PRELID2: variants seen among roughly 807,000 people sequenced by gnomAD.
PRELID2 encodes PRELI domain-containing protein 2.
A neutral mutation model predicts 28.4 loss-of-function variants in PRELID2; 25 were observed. The ratio of observed to expected loss-of-function variants is 0.88; its 90% confidence interval spans 0.64 to 1.23. The LOEUF is 1.23. Ranked by LOEUF, PRELID2 falls within the 50% of genes most tolerant of loss-of-function variation. The pLI, the probability that PRELID2 is intolerant of heterozygous loss-of-function variation, is 0.00. For missense variants in PRELID2, 201 were observed against 214.4 expected, an observed-to-expected ratio of 0.94 and a Z score of 0.39; for synonymous variants, 76 against 71.6, an observed-to-expected ratio of 1.06 and a Z score of -0.31.
chr5:145,798,181 A>G (rs1752890285), intron 4 of PRELID2, among the ~76,000 whole-genome samples: 2 of 151,998 alleles, frequency 1.3e-5, no homozygotes, highest in South Asian at 2.1e-4. Context: ...GTCAGGAACC[A>G]AAAAACAAAT....
chr5:145,299,402 T>G, the PRELID2 span, among the ~76,000 whole-genome samples: 1 of 152,200 alleles, frequency 6.6e-6, no homozygotes, highest in Non-Finnish European at 1.5e-5. Context: ...TGATGTTTAA[T>G]CTATAGGCTT....
At chr5:145,696,066 T>C (rs1755254287) in intron 1 of PRELID2, among the ~76,000 whole-genome samples, 1 of 151,452 alleles carries the variant, frequency 6.6e-6, no homozygotes, top group Non-Finnish European at 1.5e-5. Context: ...TATGCATATA[T>C]AAATATAACT....
chr5:145,455,500 T>C, the PRELID2 span, among the ~76,000 whole-genome samples: 1 of 152,212 alleles, frequency 6.6e-6, no homozygotes, highest in Non-Finnish European at 1.5e-5. Flanking sequence ...GGTAGCTTGG[T>C]GGGGATAGCA....
Position 145,835,267 on chromosome 5 carries a change from G to GCCCCGCGCA in PRELID2, c.-25_-17dup. The GCCCCGCGCA allele has an allele frequency of 6.5e-7, 1 of 1,539,596 alleles. No individual in the cohort carries two copies. The highest frequency in any genetic ancestry group is 8.8e-7 in the Non-Finnish European group (1 of 1,138,998). On this transcript the variant is annotated 5_prime_UTR_variant, in exon 1 of 7. Transcript: ENST00000683046. ...AGACCCCCATCCCCGCGCGCCGCGG[G>GCCCCGCGCA]CCCCGCGCACCGGCCACGCCTCCGC...
At chr5:145,646,070 T>C (rs1442765954) in intron 1 of PRELID2, among the ~76,000 whole-genome samples, 1 of 152,226 alleles carries the variant, frequency 6.6e-6, no homozygotes, top group Non-Finnish European at 1.5e-5. Context: ...TGAATTTGAA[T>C]GTTGGCCTGT....
intron 1 of PRELID2, among the ~76,000 whole-genome samples, chr5:145,627,402 T>C (rs1753864851): frequency 6.6e-6 from 1 of 152,096 alleles, no homozygotes; most frequent in Admixed American, 6.6e-5. Flanking sequence ...TGTACCCTAT[T>C]CAGATGATGG....
At chr5:145,709,140 T>C (rs1755623022) in intron 1 of PRELID2, among the ~76,000 whole-genome samples, 1 of 152,152 alleles carries the variant, frequency 6.6e-6, no homozygotes, top group Admixed American at 6.5e-5. Context: ...CTTGCGTCTT[T>C]TCCTGGACCG....
intron 1 of PRELID2, among the ~76,000 whole-genome samples, chr5:145,481,104 T>A (rs1456032961): frequency 1.3e-5 from 2 of 152,142 alleles, no homozygotes; most frequent in Admixed American, 6.6e-5. Context: ...AGGTTTCATA[T>A]AATTATCGTA....
intron 1 of PRELID2, among the ~76,000 whole-genome samples, chr5:145,612,435 AAGAC>A (rs777974732): frequency 4.6e-5 from 7 of 152,154 alleles, no homozygotes; most frequent in African/African-American, 1.2e-4. Context: ...AAATAAGTAA[AAGAC>A]AGACAATTCA....
intron 1 of PRELID2, among the ~76,000 whole-genome samples, chr5:145,520,824 C>T (rs963698104): frequency 2.0e-5 from 3 of 152,028 alleles, no homozygotes; most frequent in Non-Finnish European, 2.9e-5. Context: ...AGCACAATGC[C>T]GAGAACATAG....
chr5:145,418,646 T>C, the PRELID2 span, among the ~76,000 whole-genome samples: 2 of 152,208 alleles, frequency 1.3e-5, no homozygotes, highest in African/African-American at 4.8e-5. Flanking sequence ...GGGGAAAGAA[T>C]TCCCTATGCA....
intron 4 of PRELID2, among the ~76,000 whole-genome samples, chr5:145,799,025 AAT>A (rs532556100): frequency 7.8e-4 from 116 of 147,988 alleles, no homozygotes; most frequent in African/African-American, 2.2e-3. Context: ...AGTATAATAA[AAT>A]ATATATATAT....
In PRELID2 at chr5:145,583,217, A is replaced by G. The variant is rs1391942768; in HGVS notation, n.71-109902T>C. The stretch of plus-strand genomic sequence containing the variant: ...ACATGATTATCTCAATAGATGTAGA[A>G]AAGTCCTTTGATAAAATTTAACATC... On this transcript the variant is annotated intron_variant and non_coding_transcript_variant, in intron 1 of 2. Transcript: ENST00000510259. 2.0e-5 allele frequency among the ~76,000 whole-genome samples: 3 copies of G among 152,190 alleles called. No individual in the cohort carries two copies. The East Asian group carries it at 5.8e-4, about 29-fold the overall frequency.
At position 145,768,426 on chromosome 5, in the gene PRELID2, GA is replaced by G. The variant is rs551144829; in HGVS notation, c.475-3427del. Among the ~76,000 whole-genome samples, 39 of 152,252 alleles carry G rather than the reference GA, an allele frequency of 2.6e-4. No homozygotes were observed. The East Asian group carries it at 7.0e-3, about 27-fold the overall frequency. On this transcript the variant is annotated intron_variant, in intron 5 of 6. Transcript: ENST00000683046. Reference sequence around the variant, plus strand: ...GTGCACTGGGGATTAAATGGTGAATGAACAAGATAGTTCCTGCCCCCATGGA... The same window carrying G: ...GTGCACTGGGGATTAAATGGTGAATGACAAGATAGTTCCTGCCCCCATGGA...
intron 1 of PRELID2, among the ~76,000 whole-genome samples, chr5:145,696,775 A>T (rs1755277528): frequency 6.6e-6 from 1 of 151,970 alleles, no homozygotes. Context: ...TCTCTAAAAT[A>T]TTTGAAAAAA....
At chr5:145,674,934 CAA>C (rs968545930) in intron 1 of PRELID2, among the ~76,000 whole-genome samples, 2 of 135,280 alleles carry the variant, frequency 1.5e-5, no homozygotes. Flanking sequence ...GATTCAGTAT[CAA>C]AAAAAAAAAA....
At chr5:145,744,650 GCAACAACAACAGTAT>G (rs1327599093) in intron 1 of PRELID2, among the ~76,000 whole-genome samples, 2 of 152,000 alleles carry the variant, frequency 1.3e-5, no homozygotes, top group African/African-American at 4.8e-5. Context: ...CAAACAGAAA[GCAACAACAACAGTAT>G]CAACAACAAC....
the PRELID2 span, among the ~76,000 whole-genome samples, chr5:145,360,954 T>G: frequency 6.6e-6 from 1 of 152,174 alleles, no homozygotes; most frequent in Non-Finnish European, 1.5e-5. Context: ...CTATGTGCTG[T>G]AGAGGGAATC....
At chr5:145,291,068 G>A in the PRELID2 span, among the ~76,000 whole-genome samples, 4 of 151,564 alleles carry the variant, frequency 2.6e-5, no homozygotes, top group Admixed American at 6.6e-5. Flanking sequence ...GGTCGGACGC[G>A]GTGGCTCACA....
Sources: gnomAD v4.1 joint callset for allele counts (sites outside exome capture counted in the v4.1 genomes callset) on GRCh38, gnomAD v4.1.1 for gene constraint, MANE v1.5 for transcripts, NCBI Gene and HGNC (gene_info 2026-07-23, HGNC 2026-07-21) for gene names.